The following ITPR3 variants were observed in gnomAD, a reference collection of about 807,000 sequenced individuals.
The protein encoded by ITPR3 is inositol 1,4,5-trisphosphate-gated calcium channel ITPR3.
A neutral mutation model predicts 293.2 loss-of-function variants in ITPR3; 173 were observed. The ratio of observed to expected loss-of-function variants is 0.59; its 90% CI spans 0.52 to 0.67. The LOEUF (loss-of-function observed/expected upper bound fraction) is 0.67, where lower values mean the gene tolerates loss of function less well. Ranked by LOEUF, ITPR3 falls within the 30% of genes least tolerant of loss-of-function variation. ITPR3 has a pLI of 0.00. For missense variants in ITPR3, 2,796 were observed against 3,592.1 expected, an observed-to-expected ratio of 0.78 and a Z score of 5.66; for synonymous variants, 1,295 against 1,444.4, an observed-to-expected ratio of 0.90 and a Z score of 2.35.
Position 33,687,564 on chromosome 6 carries a change from G to A in ITPR3, c.6264G>A (p.Met2088Ile). The change falls in exon 46 of 58, where the codon ATG (methionine) becomes ATA (isoleucine). Residue 2088 changes from methionine to isoleucine, a missense_variant and splice_region_variant. By Grantham distance (10) the Met-to-Ile change is conservative. Around this residue, in one of 8 missense-constraint regions of ITPR3, gnomAD observed 568 missense variants for 796.1 expected, o/e 0.71. Transcript: ENST00000605930. The surrounding 1 kb of genome is among the most constrained non-coding windows in gnomAD (Gnocchi z 5.3). The stretch of plus-strand genomic sequence containing the variant: ...AGGAGGCCGAGGGTATCTCTTCCAT[G>A]GTGGGTGCTGGCCCCGAGACTGGGG... ...QEEEAEGISS[M>I]LSLNNKQLSQ... 6.2e-7 allele frequency: 1 copy of A among 1,609,568 alleles called. No individual in the cohort carries two copies. The highest frequency in any genetic ancestry group is 8.5e-7 in the Non-Finnish European group (1 of 1,177,864).
chr6:33,632,777 AGC>A lies in ITPR3; in HGVS notation c.90-7706_90-7705del, dbSNP rs1231925411. Among the ~76,000 whole-genome samples the A allele has an allele frequency of 1.3e-5, 2 of 152,196 alleles. No individual in the cohort carries two copies. Among genetic ancestry groups the A allele is most frequent in the Non-Finnish European group, 1.5e-5 (1 of 68,032 alleles). ...GGGACTGTTGTCCTCTGGGCTCCTGAGCCTCTGCTGGGCTGGTCCTGGAGGGG... is the reference window on the plus strand; with the variant it reads ...GGGACTGTTGTCCTCTGGGCTCCTGACTCTGCTGGGCTGGTCCTGGAGGGG... On this transcript the variant is annotated intron_variant, in intron 1 of 57. Transcript: ENST00000605930. This position sits in a 1 kb window ranked among gnomAD's most constrained non-coding sequence, Gnocchi z 4.1.
In ITPR3 at chr6:33,679,791, A is replaced by G; in HGVS notation, c.3973-91A>G. Reference sequence around the variant, plus strand: ...GATTTCAGGTAAGGGCTGTGGTCAGAGTCCCAGTTTCTCCCTGGTAAGCAA... The same window carrying G: ...GATTTCAGGTAAGGGCTGTGGTCAGGGTCCCAGTTTCTCCCTGGTAAGCAA... On this transcript the variant is annotated intron_variant, in intron 30 of 57. Coordinates refer to ENST00000605930, the MANE Select transcript of ITPR3 (RefSeq NM_002224.4). This position sits in a 1 kb window ranked among gnomAD's most constrained non-coding sequence, Gnocchi z 4.2. The G allele has an allele frequency of 6.8e-7, 1 of 1,478,706 alleles. No individual in the cohort carries two copies. The highest frequency in any genetic ancestry group is 9.1e-7 in the Non-Finnish European group (1 of 1,098,370). 91.6% of individuals were successfully genotyped at this position (1,478,706 alleles called of 1,614,324 possible).
Position 33,667,055 on chromosome 6 carries a change from G to T in ITPR3, c.1552-74G>T. 2 of 1,533,450 alleles carry T rather than the reference G, an allele frequency of 1.3e-6. No individual in the cohort carries two copies. Among genetic ancestry groups the T allele is most frequent in the South Asian group, 1.2e-5 (1 of 81,702 alleles). The allele number at this position is 1,533,450 out of a possible 1,614,324, so 95.0% of individuals were successfully genotyped here. A position where few individuals can be genotyped will look rare whatever the true frequency, so the allele number is the denominator to read the frequency against. ...TAGGGCAGAGTCAGTTGGGACTCAGGGATGACTCCTGGGATGACTTAGGGG... is the reference window on the plus strand; with the variant it reads ...TAGGGCAGAGTCAGTTGGGACTCAGTGATGACTCCTGGGATGACTTAGGGG... On this transcript the variant is annotated intron_variant, in intron 14 of 57. Transcript: ENST00000605930. This position sits in a 1 kb window ranked among gnomAD's most constrained non-coding sequence, Gnocchi z 4.4.
At chr6:33,694,338 G>C (rs549085569) in intron 56 of ITPR3, 1 of 164,426 alleles carries the variant, frequency 6.1e-6, no homozygotes, top group South Asian at 1.7e-4. Context: ...TTGTGTACAG[G>C]TTTATCTGTT....
At chr6:33,637,533 A>G (rs1763852008) in intron 1 of ITPR3, among the ~76,000 whole-genome samples, 1 of 152,126 alleles carries the variant, frequency 6.6e-6, no homozygotes, top group South Asian at 2.1e-4. Context: ...CAATGGCTCG[A>G]TCTCAGCACA....
In ITPR3 at chr6:33,665,907, G is replaced by A; in HGVS notation, c.1482G>A (p.Leu494=). ...TCCCCAACAATGGGCAGAATGTCCT[G>A]GACATCATGGTCACTAAGCCCAACC... The part of the protein sequence containing the change: ...SDVPNNGQNV[L]DIMVTKPNRE... Residue 494 remains leucine, a synonymous_variant, in exon 14 of 58, where the codon CTG becomes CTA. Transcript: ENST00000605930. 6.2e-7 allele frequency: 1 copy of A among 1,614,180 alleles called. No homozygotes were observed. The highest frequency in any genetic ancestry group is 8.5e-7 in the Non-Finnish European group (1 of 1,180,030).
At chr6:33,686,589 T>C in intron 43 of ITPR3, 70 bp downstream of exon 43, 1 of 1,181,586 alleles carries the variant, frequency 8.5e-7, no homozygotes, top group Non-Finnish European at 1.3e-6. Context: ...GTGTGACTTG[T>C]GTGTCAAGTG....
intron 1 of ITPR3, among the ~76,000 whole-genome samples, chr6:33,639,078 A>G (rs747683784): frequency 1.4e-4 from 22 of 152,190 alleles, no homozygotes; most frequent in African/African-American, 5.1e-4. Context: ...GGTAGAGGTC[A>G]GATCACAAAA....
chr6:33,628,851 C>T (rs1288428154), intron 1 of ITPR3, among the ~76,000 whole-genome samples: 1 of 152,170 alleles, frequency 6.6e-6, no homozygotes, highest in African/African-American at 2.4e-5. Context: ...CTCTCCCCAT[C>T]GCTCAGCCAG....
intron 30 of ITPR3, 88 bp downstream of exon 30, chr6:33,678,927 T>C: frequency 7.5e-7 from 1 of 1,338,724 alleles, no homozygotes; most frequent in Non-Finnish European, 1.0e-6. Context: ...GTTAGAGAAG[T>C]CAGACGGTGG....
rs748990388 is a variant in ITPR3 at position 33,683,996 on chromosome 6, A to C, written c.4789-24A>C. Reference sequence around the variant, plus strand: ...CCCGGGTCATTTCTTGGGCCTGGCAATGACTCTGCCCTGCCCACCCCAGGA... The same window carrying C: ...CCCGGGTCATTTCTTGGGCCTGGCACTGACTCTGCCCTGCCCACCCCAGGA... On this transcript the variant is annotated intron_variant, in intron 35 of 57. Coordinates refer to ENST00000605930, the MANE Select transcript of ITPR3 (RefSeq NM_002224.4). The surrounding 1 kb of genome is among the most constrained non-coding windows in gnomAD (Gnocchi z 4.5). The C allele has an allele frequency of 1.3e-6, 2 of 1,569,642 alleles. No individual in the cohort carries two copies. Among genetic ancestry groups the C allele is most frequent in the Non-Finnish European group, 1.7e-6 (2 of 1,155,740 alleles).
rs144449939 is a variant in ITPR3, at chr6:33,681,567, G to T, written c.4476+887G>T. On this transcript the variant is annotated intron_variant, in intron 33 of 57. Transcript: ENST00000605930. ...CAGCCCAGAGCCCCCCTGAATGAAA[G>T]CGAGCCAGGTTCCCTTAAGGAAGGG... 5.0e-3 allele frequency among the ~76,000 whole-genome samples: 765 copies of T among 152,292 alleles called. 3 individuals are homozygous for T. Among genetic ancestry groups the T allele is most frequent in the Admixed American group, 9.4e-3 (143 of 15,294 alleles).
At chr6:33,629,381 C>T (rs976913491) in intron 1 of ITPR3, among the ~76,000 whole-genome samples, 2 of 152,036 alleles carry the variant, frequency 1.3e-5, no homozygotes, top group Non-Finnish European at 2.9e-5. Context: ...ACTGTAACCT[C>T]GAACTCCTGA....
rs1348404157 is a variant in ITPR3 at position 33,638,131 on chromosome 6, G to T, written c.90-2353G>T. ...AGCGATTCTTCTGCCTCAGCTTCCT[G>T]TGTAGCTGGGATTACAGGCGCGCAC... On this transcript the variant is annotated intron_variant, in intron 1 of 57. Transcript: ENST00000605930. The surrounding 1 kb of genome is among the most constrained non-coding windows in gnomAD (Gnocchi z 4.3). Among the ~76,000 whole-genome samples, 1 of 152,086 alleles carries T rather than the reference G, an allele frequency of 6.6e-6. No homozygotes were observed. The highest frequency in any genetic ancestry group is 1.5e-5 in the Non-Finnish European group (1 of 68,034).
chr6:33,687,464 G>T lies in ITPR3; in HGVS notation c.6178-14G>T, dbSNP rs1284922778. ...GCCACCACACCCTGGTGACTGTGCT[G>T]CCATTTCCCTCAGCTCTCCAGGCAC... On this transcript the variant is annotated splice_polypyrimidine_tract_variant and intron_variant, in intron 45 of 57. Coordinates refer to ENST00000605930, the MANE Select transcript of ITPR3 (RefSeq NM_002224.4). The surrounding 1 kb of genome is among the most constrained non-coding windows in gnomAD (Gnocchi z 5.3). 6.2e-7 allele frequency: 1 copy of T among 1,606,466 alleles called. No individual in the cohort carries two copies. Among genetic ancestry groups the T allele is most frequent in the South Asian group, 1.1e-5 (1 of 89,898 alleles).
rs543186628 is a variant in ITPR3 at position 33,621,778 on chromosome 6, C to G, written c.89+87C>G. On this transcript the variant is annotated intron_variant, in intron 1 of 57. Coordinates refer to ENST00000605930, the MANE Select transcript of ITPR3 (RefSeq NM_002224.4). The surrounding 1 kb of genome is among the most constrained non-coding windows in gnomAD (Gnocchi z 7.7). ...AGCTGCGTGCGTCCAGCCGCCGCCC[C>G]CCGATAGAGGCCTGGACGTCCCCCT... The G allele has an allele frequency of 4.4e-5, 43 of 973,230 alleles. No homozygotes were observed. Among genetic ancestry groups the G allele is most frequent in the Admixed American group, 1.3e-4 (6 of 47,488 alleles). The allele number at this position is 973,230 out of a possible 1,614,324, so 60.3% of individuals were successfully genotyped here.
In ITPR3 at chr6:33,675,907, C is replaced by CG. The variant is rs965496694; in HGVS notation, c.3282+57dup. ...CTGAGCATGAGGCCTGCACCAGGCA[C>CG]GGGGGGACAGTAAACGATGATTGAG... On this transcript the variant is annotated intron_variant, in intron 25 of 57. Coordinates refer to ENST00000605930, the MANE Select transcript of ITPR3 (RefSeq NM_002224.4). The surrounding 1 kb of genome is among the most constrained non-coding windows in gnomAD (Gnocchi z 5.0). 15 of 1,482,894 alleles carry CG rather than the reference C, an allele frequency of 1.0e-5. No individual in the cohort carries two copies. The highest frequency in any genetic ancestry group is 1.4e-5 in the African/African-American group (1 of 70,450). The allele number at this position is 1,482,894 out of a possible 1,614,324, so 91.9% of individuals were successfully genotyped here. A position where few individuals can be genotyped will look rare whatever the true frequency, so the allele number is the denominator to read the frequency against.
chr6:33,686,572 C>T lies in ITPR3; in HGVS notation c.5979+53C>T. 1 of 1,346,296 alleles carries T rather than the reference C, an allele frequency of 7.4e-7. No individual in the cohort carries two copies. Among genetic ancestry groups the T allele is most frequent in the Non-Finnish European group, 1.1e-6 (1 of 936,040 alleles). The allele number at this position is 1,346,296 out of a possible 1,614,324, so 83.4% of individuals were successfully genotyped here. On this transcript the variant is annotated intron_variant, in intron 43 of 57. Transcript: ENST00000605930. Reference sequence around the variant, plus strand: ...GCTGGGTGTGCATGTGATGTGCATGCATGTATGTGTGACTTGTGTGTCAAG... The same window carrying T: ...GCTGGGTGTGCATGTGATGTGCATGTATGTATGTGTGACTTGTGTGTCAAG...
chr6:33,656,837 G>T (rs1339760335), intron 3 of ITPR3, among the ~76,000 whole-genome samples: 2 of 152,258 alleles, frequency 1.3e-5, no homozygotes, highest in Non-Finnish European at 2.9e-5. Flanking sequence ...ACGCCTAGAG[G>T]AGGTGGGTCT....
Sources: allele counts gnomAD v4.1 joint callset (sites outside exome capture counted in the v4.1 genomes callset), GRCh38; gene constraint gnomAD v4.1.1; regional missense constraint gnomAD v4.1.1; non-coding constraint Gnocchi (gnomAD v3.1); transcripts MANE v1.5; gene names NCBI Gene and HGNC (gene_info 2026-07-23, HGNC 2026-07-21).